The following ASXL2 variants were observed in gnomAD, a reference collection of about 807,000 sequenced individuals.
The protein encoded by ASXL2 is ASXL transcriptional regulator 2.
ASXL2 carries 23 observed loss-of-function variants against 122.0 expected under a neutral mutation model. The observed-to-expected ratio is 0.19, with a 90% confidence interval of 0.14 to 0.27. The LOEUF (loss-of-function observed/expected upper bound fraction) is 0.27. Ranked by LOEUF, ASXL2 falls within the 10% of genes least tolerant of loss-of-function variation. The probability of loss-of-function intolerance (pLI) is 1.00; values close to 1 mark genes in which losing one functional copy is unlikely to be tolerated. For missense variants in ASXL2, 1,518 were observed against 1,713.8 expected (o/e 0.89, Z 2.02); for synonymous variants, 650 against 637.0 (o/e 1.02, Z -0.31).
At chr2:25,754,651 T>G (rs865981254) in intron 10 of ASXL2, among the ~76,000 whole-genome samples, 1 of 151,498 alleles carries the variant, frequency 6.6e-6, no homozygotes, top group Non-Finnish European at 1.5e-5. Context: ...CACATGACTA[T>G]AGGTACAGCA....
chr2:25,824,111 TTAG>T (rs1428230282), intron 3 of ASXL2, among the ~76,000 whole-genome samples: 8 of 146,146 alleles, frequency 5.5e-5, no homozygotes, highest in African/African-American at 2.0e-4. Flanking sequence ...ATAGCAATAA[TTAG>T]TAGTTATGCT....
In ASXL2 at chr2:25,737,386, T is replaced by C. The variant is rs918074473; in HGVS notation, c.*4643A>G. The C allele has an allele frequency of 6.6e-6, 1 of 152,008 alleles. No homozygotes were observed. The highest frequency in any genetic ancestry group is 1.5e-5 in the Non-Finnish European group (1 of 67,986). 9.4% of individuals were successfully genotyped at this position (152,008 alleles called of 1,614,324 possible). On this transcript the variant is annotated 3_prime_UTR_variant, in exon 13 of 13. Coordinates refer to ENST00000435504, the MANE Select transcript of ASXL2 (RefSeq NM_018263.6). ...ATTTAGGAGCAAACAATGGGCACAT[T>C]AATAAAGAGGCTGCACCGCATTTCT...
intron 1 of ASXL2, among the ~76,000 whole-genome samples, chr2:25,853,189 C>T (rs2089737601): frequency 6.6e-6 from 1 of 152,114 alleles, no homozygotes; most frequent in Non-Finnish European, 1.5e-5. Context: ...TACTCAAGAA[C>T]AAAATGAATT....
chr2:25,743,086 G>A lies in ASXL2; in HGVS notation c.3251C>T (p.Pro1084Leu), dbSNP rs1330141951. Residue 1084 changes from proline (P) to leucine (L), a missense_variant, in exon 13 of 13, where the codon CCG becomes CTG. Around this residue, in one of 8 missense-constraint regions of ASXL2, gnomAD observed 831 missense variants for 833.1 expected, o/e 1.00. Coordinates refer to ENST00000435504, the MANE Select transcript of ASXL2 (RefSeq NM_018263.6). Reference protein sequence around the residue: ...VRRQNLLSVVPPSQFNFAHSG... With the variant: ...VRRQNLLSVVLPSQFNFAHSG... ...GTGAGCGAAGTTGAACTGTGAGGGC[G>A]GCACAACTGAGAGAAGATTCTGCCT... is the stretch of plus-strand genomic sequence containing the variant. 8.7e-6 allele frequency: 14 copies of A among 1,613,856 alleles called. No individual in the cohort carries two copies. Among genetic ancestry groups the A allele is most frequent in the South Asian group, 2.2e-5 (2 of 91,076 alleles).
At chr2:25,770,135 T>C (rs1285530559) in intron 6 of ASXL2, among the ~76,000 whole-genome samples, 1 of 152,244 alleles carries the variant, frequency 6.6e-6, no homozygotes, top group East Asian at 1.9e-4. Flanking sequence ...TAATTTCAGG[T>C]TAACGTAAAA....
intron 3 of ASXL2, among the ~76,000 whole-genome samples, chr2:25,808,350 T>C (rs925292459): frequency 3.9e-5 from 6 of 152,210 alleles, no homozygotes; most frequent in African/African-American, 9.6e-5. Flanking sequence ...TTTTTGTTTT[T>C]GAGACAGAGT....
chr2:25,774,960 C>T (rs1382887898), intron 5 of ASXL2, among the ~76,000 whole-genome samples: 1 of 152,102 alleles, frequency 6.6e-6, no homozygotes, highest in Non-Finnish European at 1.5e-5. Flanking sequence ...CACTGAATAA[C>T]CTCTATTTTG....
At chr2:25,777,790 CTT>C (rs982727640) in intron 5 of ASXL2, among the ~76,000 whole-genome samples, 3 of 152,098 alleles carry the variant, frequency 2.0e-5, no homozygotes, top group African/African-American at 7.2e-5. Flanking sequence ...ATTACTCTCT[CTT>C]AGGGTAGTTT....
chr2:25,808,722 T>C (rs2089120708), intron 3 of ASXL2, among the ~76,000 whole-genome samples: 1 of 152,222 alleles, frequency 6.6e-6, no homozygotes, highest in African/African-American at 2.4e-5. Flanking sequence ...AAAAAGACAC[T>C]TGTGTCAATA....
intron 8 of ASXL2, among the ~76,000 whole-genome samples, chr2:25,765,439 T>C (rs1442053405): frequency 6.6e-6 from 1 of 151,672 alleles, no homozygotes; most frequent in East Asian, 1.9e-4. Context: ...TGAGCCGAGA[T>C]CGGGCCACTG....
At chr2:25,853,401 T>G (rs1460228515) in intron 1 of ASXL2, among the ~76,000 whole-genome samples, 3 of 152,200 alleles carry the variant, frequency 2.0e-5, no homozygotes, top group Non-Finnish European at 4.4e-5. Context: ...TGTCCTGAGA[T>G]GCACTTTTCT....
chr2:25,846,335 G>A (rs899871762), intron 1 of ASXL2, among the ~76,000 whole-genome samples: 3 of 152,232 alleles, frequency 2.0e-5, no homozygotes, highest in Non-Finnish European at 2.9e-5. Context: ...GGTCCTACAA[G>A]CATGGGAGGA....
intron 5 of ASXL2, among the ~76,000 whole-genome samples, chr2:25,797,260 C>T (rs1191371906): frequency 6.6e-6 from 1 of 152,074 alleles, no homozygotes; most frequent in African/African-American, 2.4e-5. Flanking sequence ...GCCTGGCCAA[C>T]ATGGTGAAAC....
intron 1 of ASXL2, among the ~76,000 whole-genome samples, chr2:25,855,472 T>C (rs760468430): frequency 1.3e-5 from 2 of 152,044 alleles, no homozygotes; most frequent in East Asian, 1.9e-4. Flanking sequence ...AGTTTGAGAC[T>C]AGCCTGGCCA....
At chr2:25,828,626 C>A (rs1279256444) in intron 3 of ASXL2, among the ~76,000 whole-genome samples, 2 of 151,330 alleles carry the variant, frequency 1.3e-5, no homozygotes, top group Non-Finnish European at 2.9e-5. Flanking sequence ...GAGTTTGAGA[C>A]CAGCTTGGCT....
At chr2:25,870,692 AAGAATAAGGC>A (rs1266020992) in intron 1 of ASXL2, among the ~76,000 whole-genome samples, 1 of 152,190 alleles carries the variant, frequency 6.6e-6, no homozygotes, top group Non-Finnish European at 1.5e-5. Context: ...AAAAGAAGAA[AAGAATAAGGC>A]AGATATTAAA....
At chr2:25,747,853 T>C (rs1045783838) in intron 12 of ASXL2, among the ~76,000 whole-genome samples, 2 of 152,124 alleles carry the variant, frequency 1.3e-5, no homozygotes, top group African/African-American at 4.8e-5. Context: ...GATTCGTAAG[T>C]GCTAAAATCA....
chr2:25,774,225 CA>C (rs2088508367), intron 5 of ASXL2, among the ~76,000 whole-genome samples: 1 of 151,904 alleles, frequency 6.6e-6, no homozygotes, highest in African/African-American at 2.4e-5. Flanking sequence ...TTTACTTATA[CA>C]AACAACCTGC....
intron 1 of ASXL2, among the ~76,000 whole-genome samples, chr2:25,846,983 T>C (rs991877397): frequency 6.6e-6 from 1 of 152,254 alleles, no homozygotes; most frequent in Non-Finnish European, 1.5e-5. Context: ...TCAAGATGTC[T>C]GGTGAATATT....
Sources: allele counts gnomAD v4.1 joint callset (sites outside exome capture counted in the v4.1 genomes callset), GRCh38; gene constraint gnomAD v4.1.1; regional missense constraint gnomAD v4.1.1; transcripts MANE v1.5; gene names NCBI Gene and HGNC (gene_info 2026-07-23, HGNC 2026-07-21).